SLC2A7: variants seen among roughly 807,000 people sequenced by gnomAD.
SLC2A7 encodes the protein solute carrier family 2 member 7.
SLC2A7 carries 50 observed loss-of-function variants against 50.5 expected under a neutral mutation model. The observed-to-expected ratio is 0.99, with a 90% CI of 0.79 to 1.25. The LOEUF (loss-of-function observed/expected upper bound fraction) is 1.25, where lower values mean the gene tolerates loss of function less well. Among genes scored for constraint, SLC2A7 ranks in the 50% most tolerant of loss-of-function variants. The probability of loss-of-function intolerance (pLI) is 0.00; values close to 1 mark genes in which losing one functional copy is unlikely to be tolerated. For synonymous variants in SLC2A7, 308 were observed against 300.4 expected (o/e 1.03, Z -0.26); for missense variants, 683 against 679.1 (o/e 1.01, Z -0.06).
At chr1:9,016,601 C>CAGGAAGGA (rs752430665) in intron 5 of SLC2A7, among the ~76,000 whole-genome samples, 1 of 145,364 alleles carries the variant, frequency 6.9e-6, no homozygotes, top group African/African-American at 2.6e-5. Flanking sequence ...AGAGTGAGAC[C>CAGGAAGGA]AGGAAGGAAG....
rs1640602475 is a variant in SLC2A7 at position 9,003,321 on chromosome 1, A to G, written c.1518T>C (p.Pro506=). Residue 506 remains proline (P), a synonymous_variant, in exon 12 of 12, where the codon CCT becomes CCC. Transcript: ENST00000400906. ...GCCACTAAAAGGAAGTTTCCTTGGC[A>G]GGAGAGGCTGTGGGAGGCCCAGCAT... ...TIDAGPPTAS[P]AKETSF is the part of the protein sequence containing the mutation. 6.2e-7 allele frequency: 1 copy of G among 1,614,242 alleles called. No individual in the cohort carries two copies. The highest frequency in any genetic ancestry group is 1.3e-5 in the African/African-American group (1 of 75,062).
chr1:9,017,713 C>A (rs1640850908), intron 5 of SLC2A7, among the ~76,000 whole-genome samples: 1 of 152,164 alleles, frequency 6.6e-6, no homozygotes, highest in South Asian at 2.1e-4. Flanking sequence ...TTTCAGCAGA[C>A]CTTCAGAGGG....
Position 9,014,837 on chromosome 1 carries a change from C to G in SLC2A7, c.747G>C (p.Met249Ile), listed in dbSNP as rs971466797. 6 of 1,604,576 alleles carry G rather than the reference C, an allele frequency of 3.7e-6. No homozygotes were observed. Among genetic ancestry groups the G allele is most frequent in the Middle Eastern group, 1.7e-4 (1 of 5,816 alleles). Residue 249 changes from methionine (M) to isoleucine (I), a missense_variant, in exon 7 of 12, where the codon ATG becomes ATC. Coordinates refer to ENST00000400906, the MANE Select transcript of SLC2A7 (RefSeq NM_207420.3). ...CACGCATGTCCTCCAGCTCGGCCTC[C>G]ATGTCCGTGTGGCCTCTCAGCCTCC... ...ALRRLRGHTD[M>I]EAELEDMRAE...
chr1:9,007,204 C>G (rs1359348088), intron 10 of SLC2A7, 106 bp downstream of exon 10: 3 of 1,297,770 alleles, frequency 2.3e-6, no homozygotes, highest in Non-Finnish European at 3.3e-6. Flanking sequence ...AGCACGGGGA[C>G]CAAGGACGTC....
At chr1:9,002,894 G>A (rs545606712), downstream of SLC2A7, among the ~76,000 whole-genome samples, 5 of 152,352 alleles carry the variant, frequency 3.3e-5, no homozygotes, top group South Asian at 6.2e-4. Context: ...AGGAAGCCAC[G>A]TCGCCAGGAA....
At chr1:9,026,223 T>C in intron 1 of SLC2A7, 72 bp downstream of exon 1, 1 of 1,523,464 alleles carries the variant, frequency 6.6e-7, no homozygotes, top group Non-Finnish European at 9.0e-7. Flanking sequence ...TTCCACGGCC[T>C]TCACCTCCCT....
chr1:8,999,573 C>T (rs1012961145), downstream of SLC2A7, among the ~76,000 whole-genome samples: 4 of 152,326 alleles, frequency 2.6e-5, no homozygotes, highest in African/African-American at 7.2e-5. Flanking sequence ...TGGGCTCACT[C>T]AGCCCACACT....
intron 4 of SLC2A7, 63 bp downstream of exon 4, chr1:9,019,146 C>T: frequency 6.4e-7 from 1 of 1,569,290 alleles, no homozygotes; most frequent in Non-Finnish European, 8.6e-7. Flanking sequence ...TCTGCTCCTG[C>T]TTCCAGCCTT....
chr1:9,023,909 GCAGTGGCATGATCTTGGCTCA>G (rs1640956854), intron 2 of SLC2A7, among the ~76,000 whole-genome samples: 1 of 127,410 alleles, frequency 7.8e-6, no homozygotes, highest in Admixed American at 1.0e-4. Flanking sequence ...AGGCTGGAGT[GCAGTGGCATGATCTTGGCTCA>G]CTGCAACCTC....
chr1:8,994,154 C>T, the SLC2A7 span, among the ~76,000 whole-genome samples: 71 of 152,338 alleles, frequency 4.7e-4, 2 homozygotes, highest in South Asian at 7.3e-3. Flanking sequence ...TGGCACACCA[C>T]GCCCAAGTGT....
At chr1:8,994,671 G>T in the SLC2A7 span, among the ~76,000 whole-genome samples, 1 of 152,196 alleles carries the variant, frequency 6.6e-6, no homozygotes, top group Admixed American at 6.5e-5. Context: ...GCCTAGGAAA[G>T]AAATCCCAGA....
intron 5 of SLC2A7, among the ~76,000 whole-genome samples, chr1:9,017,846 C>T (rs896487727): frequency 1.8e-4 from 27 of 152,198 alleles, no homozygotes; most frequent in African/African-American, 5.1e-4. Context: ...GTGACAGAGA[C>T]GGTGGCTGTG....
At chr1:9,016,933 T>C (rs751733530) in intron 5 of SLC2A7, among the ~76,000 whole-genome samples, 124 of 152,044 alleles carry the variant, frequency 8.2e-4, no homozygotes, top group Non-Finnish European at 1.4e-3. Context: ...TCTCTGACCT[T>C]CTCCTGTCCC....
At chr1:8,994,139 T>C in the SLC2A7 span, among the ~76,000 whole-genome samples, 2 of 152,354 alleles carry the variant, frequency 1.3e-5, no homozygotes, top group South Asian at 4.1e-4. Flanking sequence ...GTAAGCTGCC[T>C]AACCTGGCAC....
chr1:9,020,825 G>A (rs1260655770), intron 3 of SLC2A7, among the ~76,000 whole-genome samples: 1 of 151,970 alleles, frequency 6.6e-6, no homozygotes, highest in Non-Finnish European at 1.5e-5. Flanking sequence ...GGAGGGACCT[G>A]GTGGCAGGTC....
intron 5 of SLC2A7, 143 bp downstream of exon 5, chr1:9,018,080 C>T: frequency 8.9e-7 from 1 of 1,118,708 alleles, no homozygotes; most frequent in East Asian, 2.6e-5. Flanking sequence ...CCGACCACGT[C>T]ACCCATCCCT....
At position 9,018,360 on chromosome 1, in the gene SLC2A7, G is replaced by GTA. The variant is rs769435000; in HGVS notation, c.451_452insTA (p.Ala151ValfsTer15). 3.8e-4 allele frequency: 620 copies of GTA among 1,614,196 alleles called. 14 individuals are homozygous for GTA. In the Admixed American group the frequency reaches 0.01, roughly 26 times the overall value. ...CAGTTCTCCCAGGTACATGGGAAGG[G>GTA]CGCTGTAGGAGATGCCTGGTTTGGG... On this transcript the variant is annotated frameshift_variant, in exon 5 of 12. Coordinates refer to ENST00000400906, the MANE Select transcript of SLC2A7 (RefSeq NM_207420.3). LOFTEE classifies it high-confidence loss of function.
At chr1:8,997,649 C>T in the SLC2A7 span, among the ~76,000 whole-genome samples, 5 of 152,198 alleles carry the variant, frequency 3.3e-5, no homozygotes, top group African/African-American at 1.2e-4. Context: ...CTGCCTGCCT[C>T]GGCCTCCCAA....
chr1:9,003,544 G>T, intron 11 of SLC2A7, 26 bp from the exon 12 acceptor site: 1 of 1,598,908 alleles, frequency 6.3e-7, no homozygotes, highest in Non-Finnish European at 8.6e-7. Context: ...AGAAAGACAG[G>T]AGGGGGCAGA....
Sources: gnomAD v4.1 joint callset for allele counts (sites outside exome capture counted in the v4.1 genomes callset) on GRCh38, gnomAD v4.1.1 for gene constraint, MANE v1.5 for transcripts, NCBI Gene and HGNC (gene_info 2026-07-23, HGNC 2026-07-21) for gene names.